Variants in TNN observed in about 807,000 individuals in gnomAD.
The protein encoded by TNN is tenascin-N.
In TNN, 122 loss-of-function variants were observed where a neutral mutation model predicts 134.4. That is an observed-to-expected ratio of 0.91 (90% CI 0.78 to 1.06). The LOEUF is 1.06. Among genes scored for constraint, TNN ranks in the 50% least tolerant of loss-of-function variants. The pLI is 0.00. For missense variants in TNN, 1,739 were observed against 1,699.4 expected, an observed-to-expected ratio of 1.02 and a Z score of -0.41; for synonymous variants, 710 against 670.3, an observed-to-expected ratio of 1.06 and a Z score of -0.91.
intron 1 of TNN, among the ~76,000 whole-genome samples, chr1:175,073,197 G>C (rs1558345130): frequency 3.9e-5 from 6 of 152,050 alleles, no homozygotes; most frequent in Admixed American, 3.3e-4. Context: ...CTCCATTGCT[G>C]GACACTGTGC....
intron 6 of TNN, among the ~76,000 whole-genome samples, chr1:175,087,504 C>A (rs1015491347): frequency 8.5e-5 from 13 of 152,162 alleles, no homozygotes; most frequent in African/African-American, 3.1e-4. Context: ...AATTGGGGTC[C>A]CGAGTTTTTT....
In TNN at chr1:175,118,728, C is replaced by T; in HGVS notation, c.2554C>T (p.Leu852=). The T allele has an allele frequency of 6.2e-7, 1 of 1,614,184 alleles. No homozygotes were observed. The highest frequency in any genetic ancestry group is 1.1e-5 in the South Asian group (1 of 91,088). ...PVGKEQSSTV[L]TGLRPGMEYT... ...GGGGAAGGAGCAGAGCAGCACTGTC[C>T]TGACGGGCCTGAGGCCGGGCATGGA... Residue 852 remains leucine, a synonymous_variant, in exon 11 of 19, where the codon CTG becomes TTG. Coordinates refer to ENST00000239462, the MANE Select transcript of TNN (RefSeq NM_022093.2).
At chr1:175,094,448 T>C (rs1379345558) in intron 7 of TNN, among the ~76,000 whole-genome samples, 195 bp downstream of exon 7, 1 of 152,204 alleles carries the variant, frequency 6.6e-6, no homozygotes, top group Non-Finnish European at 1.5e-5. Context: ...GATCAGCTTT[T>C]TCACTTGATG....
In TNN at chr1:175,077,640, C is replaced by A. The variant is rs1389560481; in HGVS notation, c.222C>A (p.Ala74=). The A allele has an allele frequency of 2.5e-6, 4 of 1,614,082 alleles. No individual in the cohort carries two copies. The highest frequency in any genetic ancestry group is 3.4e-6 in the Non-Finnish European group (4 of 1,180,042). ...PLSDDGASLL[A]LGEAREEQNI... ...GTGACGATGGGGCTTCGCTCTTGGC[C>A]CTGGGGGAGGCCAGGGAGGAACAGA... The change falls in exon 2 of 19, where the codon GCC becomes GCA. Residue 74 remains alanine, a synonymous_variant. Transcript: ENST00000239462.
chr1:175,132,959 T>C (rs1020042978), intron 15 of TNN, among the ~76,000 whole-genome samples: 53 of 152,340 alleles, frequency 3.5e-4, no homozygotes, highest in African/African-American at 1.2e-3. Flanking sequence ...CAAGATAATG[T>C]GTTTTACTTC....
intron 11 of TNN, among the ~76,000 whole-genome samples, 159 bp downstream of exon 11, chr1:175,118,983 A>G (rs1411988943): frequency 2.0e-5 from 3 of 152,264 alleles, no homozygotes; most frequent in African/African-American, 7.2e-5. Context: ...AAAACAAAAA[A>G]CAAACAAAGA....
At chr1:175,135,812 G>A (rs1309128484) in intron 15 of TNN, 33 bp from the exon 16 acceptor site, 2 of 1,547,624 alleles carry the variant, frequency 1.3e-6, no homozygotes, top group Admixed American at 1.7e-5. Context: ...TCTGTTTGGA[G>A]GGTCAGAGTG....
intron 8 of TNN, 152 bp from the exon 9 acceptor site, chr1:175,098,180 C>A (rs1263740480): frequency 2.6e-6 from 3 of 1,155,934 alleles, no homozygotes; most frequent in Admixed American, 2.3e-5. Context: ...CCAAGGGCTA[C>A]TTTCTCCTTA....
At chr1:175,088,435 C>T (rs1407902475) in intron 6 of TNN, among the ~76,000 whole-genome samples, 1 of 152,196 alleles carries the variant, frequency 6.6e-6, no homozygotes, top group East Asian at 1.9e-4. Context: ...ATCACACCTC[C>T]CCTCCTTCTT....
intron 8 of TNN, among the ~76,000 whole-genome samples, 184 bp downstream of exon 8, chr1:175,097,867 A>G (rs1312693167): frequency 6.6e-6 from 1 of 152,220 alleles, no homozygotes; most frequent in Admixed American, 6.5e-5. Flanking sequence ...TGAGCTGTTC[A>G]TGAGACCACT....
intron 6 of TNN, among the ~76,000 whole-genome samples, chr1:175,092,253 G>T: frequency 6.6e-6 from 1 of 152,180 alleles, no homozygotes. Context: ...TGGGGAGAGA[G>T]TTCTCTCTAT....
At chr1:175,084,596 G>A (rs1674282458) in intron 5 of TNN, among the ~76,000 whole-genome samples, 1 of 152,182 alleles carries the variant, frequency 6.6e-6, no homozygotes, top group Non-Finnish European at 1.5e-5. Context: ...GAATGGGCCC[G>A]TGAAAGTGTG....
At chr1:175,088,037 A>T (rs1674358799) in intron 6 of TNN, among the ~76,000 whole-genome samples, 1 of 151,930 alleles carries the variant, frequency 6.6e-6, no homozygotes, top group South Asian at 2.1e-4. Context: ...CCCTCCCCAA[A>T]CCTCCACTTG....
At chr1:175,108,329 A>G (rs1039271602) in intron 9 of TNN, among the ~76,000 whole-genome samples, 2 of 152,202 alleles carry the variant, frequency 1.3e-5, no homozygotes, top group South Asian at 4.1e-4. Flanking sequence ...TGGTGTGTTT[A>G]CAATCTCTGA....
In TNN at chr1:175,126,397, G is replaced by A. The variant is rs188387359; in HGVS notation, c.2915-558G>A. On this transcript the variant is annotated intron_variant, in intron 12 of 18. Coordinates refer to ENST00000239462, the MANE Select transcript of TNN (RefSeq NM_022093.2). ...TTACAGGCATGAGCCACCGTGCCTG[G>A]CCAACTTTTTGTTTCTATGCCAACT... is the stretch of plus-strand genomic sequence containing the variant. Among the ~76,000 whole-genome samples the A allele has an allele frequency of 1.9e-3, 293 of 152,228 alleles. 1 individual carries two copies. The highest frequency in any genetic ancestry group is 6.4e-3 in the African/African-American group (267 of 41,538).
Position 175,080,262 on chromosome 1 carries a change from ACT to A in TNN, c.885_886del (p.Tyr295Ter). The A allele has an allele frequency of 6.2e-7, 1 of 1,614,074 alleles. No homozygotes were observed. The highest frequency in any genetic ancestry group is 8.5e-7 in the Non-Finnish European group (1 of 1,179,976). On this transcript the variant is annotated stop_gained and frameshift_variant, in exon 4 of 19. Transcript: ENST00000239462. LOFTEE classifies it high-confidence loss of function. ...CAGGTGGATCACTACCTCCTCAGCT[ACT>A]ACCCCCTGGGGAAGGAGCTCTCTGG...
At chr1:175,110,200 A>AGAT (rs1269709247) in intron 9 of TNN, among the ~76,000 whole-genome samples, 1 of 152,180 alleles carries the variant, frequency 6.6e-6, no homozygotes, top group Non-Finnish European at 1.5e-5. Context: ...TTTTAAAATA[A>AGAT]GATGATGATG....
chr1:175,144,336 C>T (rs1447969434), intron 17 of TNN, 51 bp from the exon 18 acceptor site: 1 of 1,569,562 alleles, frequency 6.4e-7, no homozygotes, highest in Non-Finnish European at 8.7e-7. Flanking sequence ...TTTTGATCAT[C>T]TCCTCGGTGG....
intron 9 of TNN, among the ~76,000 whole-genome samples, chr1:175,108,335 T>C (rs185632657): frequency 1.1e-4 from 17 of 152,042 alleles, no homozygotes; most frequent in South Asian, 2.1e-4. Flanking sequence ...GTTTACAATC[T>C]CTGAGCTAGA....
Sources: gnomAD v4.1 joint callset for allele counts (sites outside exome capture counted in the v4.1 genomes callset) on GRCh38, gnomAD v4.1.1 for gene constraint, MANE v1.5 for transcripts, NCBI Gene and HGNC (gene_info 2026-07-23, HGNC 2026-07-21) for gene names.